The following MARCHF1 variants were observed in gnomAD, a reference collection of about 807,000 sequenced individuals.
MARCHF1 encodes the protein E3 ubiquitin-protein ligase MARCHF1.
MARCHF1 carries 40 observed loss-of-function variants against 54.2 expected under a neutral mutation model. That is an observed-to-expected ratio of 0.74 (90% CI 0.57 to 0.96). The LOEUF (loss-of-function observed/expected upper bound fraction) is 0.96. Ranked by LOEUF, MARCHF1 falls within the 40% of genes least tolerant of loss-of-function variation. MARCHF1 has a pLI of 0.00. For missense variants in MARCHF1, 586 were observed against 656.5 expected, an observed-to-expected ratio of 0.89 and a Z score of 1.17; for synonymous variants, 236 against 236.3, an observed-to-expected ratio of 1.00 and a Z score of 0.01.
At chr4:163,825,935 C>A (rs1346329625) in intron 4 of MARCHF1, among the ~76,000 whole-genome samples, 1 of 151,908 alleles carries the variant, frequency 6.6e-6, no homozygotes, top group African/African-American at 2.4e-5. Context: ...CCTATACCTA[C>A]CCCCTACACC....
At chr4:164,138,379 T>C (rs898762461) in intron 1 of MARCHF1, among the ~76,000 whole-genome samples, 3 of 152,076 alleles carry the variant, frequency 2.0e-5, no homozygotes. Context: ...ATAAAGGATT[T>C]CAAGAGTCAG....
At chr4:164,103,058 G>A (rs1755607301) in intron 2 of MARCHF1, among the ~76,000 whole-genome samples, 1 of 101,902 alleles carries the variant, frequency 9.8e-6, no homozygotes, top group Non-Finnish European at 2.1e-5. Context: ...TCAACAAGAG[G>A]AGCTAACTAT....
intron 3 of MARCHF1, among the ~76,000 whole-genome samples, chr4:163,958,141 A>G (rs751517582): frequency 1.3e-5 from 2 of 151,986 alleles, no homozygotes; most frequent in Non-Finnish European, 2.9e-5. Context: ...GCACAGGAAC[A>G]TCTTTGCCTT....
At chr4:163,622,671 G>A (rs1267189487) in intron 5 of MARCHF1, among the ~76,000 whole-genome samples, 1 of 152,134 alleles carries the variant, frequency 6.6e-6, no homozygotes, top group Admixed American at 6.6e-5. Flanking sequence ...TTATCTCGAT[G>A]CCGAGTTTAT....
chr4:164,203,311 A>AAG (rs760017096), intron 1 of MARCHF1, among the ~76,000 whole-genome samples: 3 of 151,616 alleles, frequency 2.0e-5, no homozygotes, highest in Non-Finnish European at 4.4e-5. Flanking sequence ...GTGTAGGAGA[A>AAG]AGAGAGAGAG....
At chr4:164,241,996 G>T (rs1248855909) in intron 1 of MARCHF1, among the ~76,000 whole-genome samples, 23 of 152,210 alleles carry the variant, frequency 1.5e-4, no homozygotes, top group Admixed American at 1.5e-3. Flanking sequence ...GAGACTCACT[G>T]ATTGCTAGCA....
intron 3 of MARCHF1, among the ~76,000 whole-genome samples, chr4:163,917,338 G>A (rs75193819): frequency 6.6e-6 from 1 of 152,070 alleles, no homozygotes. Context: ...TTCCAACACA[G>A]TACTATTTTG....
chr4:164,087,981 A>AT (rs1385163020), intron 2 of MARCHF1, among the ~76,000 whole-genome samples: 7 of 152,208 alleles, frequency 4.6e-5, no homozygotes, highest in African/African-American at 1.7e-4. Context: ...ATTTGAGTAG[A>AT]GACGTTAAAT....
chr4:163,635,473 C>T (rs1490093286), intron 5 of MARCHF1, among the ~76,000 whole-genome samples: 2 of 148,450 alleles, frequency 1.3e-5, no homozygotes, highest in African/African-American at 2.5e-5. Context: ...CACCTCTACA[C>T]AAATAAACTA....
chr4:163,853,986 T>C (rs1371273634), intron 4 of MARCHF1, 35 bp downstream of exon 4: 5 of 1,531,408 alleles, frequency 3.3e-6, no homozygotes, highest in Admixed American at 2.0e-5. Flanking sequence ...TATTTACATA[T>C]AAGCCAATTT....
chr4:164,234,907 T>C (rs1292613288), intron 1 of MARCHF1: 1 of 152,122 alleles, frequency 6.6e-6, no homozygotes, highest in East Asian at 1.9e-4. Context: ...CTGATAGTCT[T>C]TGTTGAGGCC....
intron 4 of MARCHF1, among the ~76,000 whole-genome samples, chr4:163,765,870 A>T (rs1579268610): frequency 1.4e-5 from 2 of 147,922 alleles, no homozygotes; most frequent in South Asian, 4.2e-4. Context: ...ATACACACAT[A>T]TATATAATAT....
At position 163,824,512 on chromosome 4, in the gene MARCHF1, T is replaced by C. The variant is rs1303670562; in HGVS notation, c.111+29509A>G. Reference sequence around the variant, plus strand: ...ATTCAAGATGGATTAAAGACTTAAATGTTAGACCTAAAACCATAAAAACCC... The same window carrying C: ...ATTCAAGATGGATTAAAGACTTAAACGTTAGACCTAAAACCATAAAAACCC... On this transcript the variant is annotated intron_variant, in intron 4 of 9. Transcript: ENST00000514618. Among the ~76,000 whole-genome samples the C allele has an allele frequency of 5.3e-5, 7 of 132,956 alleles. No homozygotes were observed. The East Asian group carries it at 6.6e-4, about 12-fold the overall frequency. The allele number at this position is 132,956 out of a possible 152,430, so 87.2% of individuals were successfully genotyped here. A position where few individuals can be genotyped will look rare whatever the true frequency, so the allele number is the denominator to read the frequency against.
intron 2 of MARCHF1, among the ~76,000 whole-genome samples, chr4:164,035,547 T>C (rs571500383): frequency 2.8e-4 from 43 of 151,792 alleles, no homozygotes; most frequent in Non-Finnish European, 5.9e-4. Context: ...CTTTTCTTTT[T>C]CATTGATTAG....
intron 3 of MARCHF1, among the ~76,000 whole-genome samples, chr4:163,981,640 C>T (rs1158759400): frequency 6.6e-6 from 1 of 152,180 alleles, no homozygotes; most frequent in Non-Finnish European, 1.5e-5. Context: ...GATCCTCCCC[C>T]TTCAGCAGTA....
At position 164,057,620 on chromosome 4, in the gene MARCHF1, G is replaced by A. The variant is rs1754521742; in HGVS notation, c.-248+53968C>T. Reference sequence around the variant, plus strand: ...TTTATGCAACTCAGACATGAAGCATGAAGCAACTATATTGGGTCAAGAGGT... The same window carrying A: ...TTTATGCAACTCAGACATGAAGCATAAAGCAACTATATTGGGTCAAGAGGT... On this transcript the variant is annotated intron_variant, in intron 2 of 9. Transcript: ENST00000514618. Among the ~76,000 whole-genome samples, 3 of 152,226 alleles carry A rather than the reference G, an allele frequency of 2.0e-5. No homozygotes were observed. In the South Asian group the frequency reaches 6.2e-4, roughly 32 times the overall value.
At chr4:164,264,568 T>C (rs1306807216) in intron 1 of MARCHF1, among the ~76,000 whole-genome samples, 1 of 152,138 alleles carries the variant, frequency 6.6e-6, no homozygotes, top group African/African-American at 2.4e-5. Context: ...ATTCATTCCT[T>C]TCAACTGATG....
At chr4:164,187,755 C>T (rs1731010298) in intron 1 of MARCHF1, among the ~76,000 whole-genome samples, 1 of 152,036 alleles carries the variant, frequency 6.6e-6, no homozygotes, top group South Asian at 2.1e-4. Context: ...AAAGCATAGC[C>T]TTTAAAAGTG....
chr4:163,895,242 G>T (rs1380060504), intron 3 of MARCHF1, among the ~76,000 whole-genome samples: 1 of 152,148 alleles, frequency 6.6e-6, no homozygotes, highest in Admixed American at 6.6e-5. Context: ...TGATTAAGAT[G>T]TCTATTTATG....
Sources: allele counts gnomAD v4.1 joint callset (sites outside exome capture counted in the v4.1 genomes callset), GRCh38; gene constraint gnomAD v4.1.1; transcripts MANE v1.5; gene names NCBI Gene and HGNC (gene_info 2026-07-23, HGNC 2026-07-21).